Variants in LARGE1 observed in about 807,000 individuals in gnomAD.
LARGE1 encodes the protein xylosyl- and glucuronyltransferase LARGE1.
LARGE1 carries 43 observed loss-of-function variants against 87.6 expected under a neutral mutation model. The observed-to-expected ratio is 0.49, with a 90% CI of 0.38 to 0.63. LARGE1 has a LOEUF of 0.63. Ranked by LOEUF, LARGE1 falls within the 30% of genes least tolerant of loss-of-function variation. The pLI is 0.00. For missense variants in LARGE1, 802 were observed against 1,000.2 expected, an observed-to-expected ratio of 0.80 and a Z score of 2.67; for synonymous variants, 434 against 394.6, an observed-to-expected ratio of 1.10 and a Z score of -1.18.
At chr22:33,611,511 G>T (rs552281817) in intron 4 of LARGE1, among the ~76,000 whole-genome samples, 33 of 152,308 alleles carry the variant, frequency 2.2e-4, no homozygotes, top group Non-Finnish European at 4.3e-4. Flanking sequence ...GAATAAGAGT[G>T]TTGACCTCAT....
At chr22:33,253,382 C>G (rs748080173) in intron 11 of LARGE1, among the ~76,000 whole-genome samples, 1 of 152,122 alleles carries the variant, frequency 6.6e-6, no homozygotes, top group African/African-American at 2.4e-5. Flanking sequence ...GATGGAGGAA[C>G]GCCTCTGAGA....
chr22:33,325,076 A>G (rs186524439), intron 10 of LARGE1, among the ~76,000 whole-genome samples: 136 of 152,348 alleles, frequency 8.9e-4, no homozygotes, highest in African/African-American at 3.2e-3. Flanking sequence ...AGTAGCTGAG[A>G]TTCAAACCCA....
At chr22:33,358,299 C>CTATT (rs1439054871) in intron 9 of LARGE1, among the ~76,000 whole-genome samples, 9 of 21,438 alleles carry the variant, frequency 4.2e-4, no homozygotes, top group African/African-American at 7.8e-4. Flanking sequence ...CCAAAACCAA[C>CTATT]TGTTTTTTTT....
At chr22:33,302,478 C>T (rs1290615889) in intron 12 of LARGE1, among the ~76,000 whole-genome samples, 1 of 152,186 alleles carries the variant, frequency 6.6e-6, no homozygotes, top group Admixed American at 6.5e-5. Context: ...AGGACACGGA[C>T]TCAGAAGCTG....
At chr22:33,600,581 T>TA (rs1309742459) in intron 5 of LARGE1, among the ~76,000 whole-genome samples, 1 of 152,030 alleles carries the variant, frequency 6.6e-6, no homozygotes, top group East Asian at 1.9e-4. Context: ...TCATTAGCAA[T>TA]GGGGGAAAGG....
chr22:33,840,620 A>T (rs981539395), intron 1 of LARGE1, among the ~76,000 whole-genome samples: 1 of 152,034 alleles, frequency 6.6e-6, no homozygotes, highest in Non-Finnish European at 1.5e-5. Context: ...AACCCTAGAT[A>T]TAAGGTAAGT....
intron 1 of LARGE1, among the ~76,000 whole-genome samples, chr22:33,871,455 G>T (rs1348023571): frequency 1.3e-5 from 2 of 152,152 alleles, no homozygotes; most frequent in East Asian, 3.8e-4. Context: ...CATGGAAATG[G>T]CCAAATTACC....
chr22:33,909,747 T>C (rs540033515), intron 1 of LARGE1, among the ~76,000 whole-genome samples: 1 of 151,852 alleles, frequency 6.6e-6, no homozygotes, highest in African/African-American at 2.4e-5. Flanking sequence ...ACCGCGTTAG[T>C]CAAGATGGTC....
rs71320987 is a variant in LARGE1, at chr22:33,675,292, CAAAAAAAAA to C, written c.107-24633_107-24625del. On this transcript the variant is annotated intron_variant, in intron 2 of 14. Coordinates refer to ENST00000397394, the MANE Select transcript of LARGE1 (RefSeq NM_133642.5). ...CTGGGCAACAAGAGCGAAACTCCAT[CAAAAAAAAA>C]AAAAAAAAAAAAAAAAAGAACACAA... Among the ~76,000 whole-genome samples the C allele has an allele frequency of 1.3e-3, 42 of 32,920 alleles. 2 individuals carry two copies. The highest frequency in any genetic ancestry group is 4.8e-3 in the Admixed American group (8 of 1,660). The allele number at this position is 32,920 out of a possible 152,430, so 21.6% of individuals were successfully genotyped here.
At chr22:33,665,265 G>A (rs240355) in intron 2 of LARGE1, among the ~76,000 whole-genome samples, 13 of 151,926 alleles carry the variant, frequency 8.6e-5, no homozygotes, top group African/African-American at 3.1e-4. Context: ...AAGTATAAAC[G>A]TATCTGTTTC....
At chr22:33,886,101 T>G (rs966133332) in intron 1 of LARGE1, among the ~76,000 whole-genome samples, 3 of 152,138 alleles carry the variant, frequency 2.0e-5, no homozygotes, top group Admixed American at 2.0e-4. Context: ...AACTCCCTCC[T>G]GTGAGCATCT....
At chr22:33,769,832 C>A (rs760374652) in intron 1 of LARGE1, among the ~76,000 whole-genome samples, 1 of 152,204 alleles carries the variant, frequency 6.6e-6, no homozygotes, top group Non-Finnish European at 1.5e-5. Context: ...TTCCAGCTGT[C>A]TCTCCTGGAT....
the LARGE1 span, among the ~76,000 whole-genome samples, chr22:33,131,552 G>T: frequency 6.6e-6 from 1 of 152,162 alleles, no homozygotes; most frequent in Non-Finnish European, 1.5e-5. Flanking sequence ...TCACAATCAT[G>T]GTCGAAGGCA....
intron 3 of LARGE1, among the ~76,000 whole-genome samples, chr22:33,637,599 T>C (rs2080306553): frequency 1.2e-5 from 1 of 83,160 alleles, no homozygotes; most frequent in Non-Finnish European, 2.5e-5. Context: ...TGTAGCTTTT[T>C]ACTTCTTCTG....
chr22:33,145,064 A>G, the LARGE1 span, among the ~76,000 whole-genome samples: 1 of 152,168 alleles, frequency 6.6e-6, no homozygotes, highest in Admixed American at 6.5e-5. Flanking sequence ...TCTTGGAAGT[A>G]GCAATGCTTA....
chr22:33,535,130 G>A (rs1470538499), intron 6 of LARGE1, among the ~76,000 whole-genome samples: 5 of 152,326 alleles, frequency 3.3e-5, no homozygotes, highest in East Asian at 1.9e-4. Context: ...GGCCTCCCCC[G>A]TCAGGGCGTA....
chr22:33,271,486 C>T (rs1031642167), downstream of LARGE1, among the ~76,000 whole-genome samples: 1 of 152,230 alleles, frequency 6.6e-6, no homozygotes, highest in Non-Finnish European at 1.5e-5. Context: ...GAAAACATCT[C>T]AGTTCCCCTC....
intron 11 of LARGE1, among the ~76,000 whole-genome samples, chr22:33,246,166 T>C (rs922421775): frequency 6.6e-6 from 1 of 152,248 alleles, no homozygotes; most frequent in Middle Eastern, 3.4e-3. Context: ...TAATGCTTTT[T>C]AGGGTGATAT....
chr22:33,308,107 C>T (rs1935144295), intron 11 of LARGE1, among the ~76,000 whole-genome samples: 1 of 152,142 alleles, frequency 6.6e-6, no homozygotes. Flanking sequence ...GGGGGCTATT[C>T]CAGAGAGTCC....
Sources: allele counts gnomAD v4.1 joint callset (sites outside exome capture counted in the v4.1 genomes callset), GRCh38; gene constraint gnomAD v4.1.1; transcripts MANE v1.5; gene names NCBI Gene and HGNC (gene_info 2026-07-23, HGNC 2026-07-21).